The following MBD5 variants were observed in gnomAD, a reference collection of about 807,000 sequenced individuals.
MBD5 encodes the protein methyl-CpG-binding domain protein 5.
A neutral mutation model predicts 117.3 loss-of-function variants in MBD5; 13 were observed. The ratio of observed to expected loss-of-function variants is 0.11; its 90% confidence interval spans 0.07 to 0.18. The LOEUF is 0.18. Ranked by LOEUF, MBD5 falls within the 10% of genes least tolerant of loss-of-function variation. The probability of loss-of-function intolerance (pLI) is 1.00; values close to 1 mark genes in which losing one functional copy is unlikely to be tolerated. For missense variants in MBD5, 1,879 were observed against 2,093.8 expected (o/e 0.90, Z 2.00); for synonymous variants, 727 against 766.4 (o/e 0.95, Z 0.85).
intron 4 of MBD5, among the ~76,000 whole-genome samples, chr2:148,435,762 A>G (rs896559936): frequency 6.6e-6 from 1 of 152,124 alleles, no homozygotes; most frequent in Non-Finnish European, 1.5e-5. Context: ...GGGTCTCTGC[A>G]TTTATTGAAT....
chr2:148,321,905 C>A (rs1294877066), intron 3 of MBD5, among the ~76,000 whole-genome samples: 1 of 152,108 alleles, frequency 6.6e-6, no homozygotes, highest in Admixed American at 6.6e-5. Flanking sequence ...TTTTAAAATG[C>A]CATACTCTCT....
Position 148,468,947 on chromosome 2 carries a change from G to A in MBD5, c.1004G>A (p.Gly335Asp). ...RAMFHHKPPQGPPPPPPPSCA... is the reference protein window; with the variant it reads ...RAMFHHKPPQDPPPPPPPSCA... ...ATGTTCCACCACAAACCACCCCAAGGCCCACCTCCCCCTCCTCCACCTTCT... is the reference window on the plus strand; with the variant it reads ...ATGTTCCACCACAAACCACCCCAAGACCCACCTCCCCCTCCTCCACCTTCT... Residue 335 changes from glycine (G) to aspartate (D), a missense_variant, in exon 8 of 14, where the codon GGC becomes GAC. Physicochemically the swap from Gly to Asp is moderately conservative, Grantham distance 94. This residue lies in a region of MBD5 where 1,666 missense variants were observed against 1,792.2 expected (regional missense o/e 0.93). Coordinates refer to ENST00000642680, the MANE Select transcript of MBD5 (RefSeq NM_001378120.1). 1.9e-6 allele frequency: 3 copies of A among 1,613,406 alleles called. No individual in the cohort carries two copies. The highest frequency in any genetic ancestry group is 2.5e-6 in the Non-Finnish European group (3 of 1,179,810).
chr2:148,513,035 AT>A lies in MBD5; in HGVS notation c.*97del. ...TTGATATAGCCACAGTTATATCAAT[AT>A]TTAGACTATGGCAGATAGCTACCAC... is the stretch of plus-strand genomic sequence containing the variant. On this transcript the variant is annotated 3_prime_UTR_variant, in exon 14 of 14. Coordinates refer to ENST00000642680, the MANE Select transcript of MBD5 (RefSeq NM_001378120.1). 1 of 1,226,400 alleles carries A rather than the reference AT, an allele frequency of 8.2e-7. No individual in the cohort carries two copies. Among genetic ancestry groups the A allele is most frequent in the Non-Finnish European group, 1.2e-6 (1 of 835,122 alleles). The allele number at this position is 1,226,400 out of a possible 1,614,324, so 76.0% of individuals were successfully genotyped here. A position where few individuals can be genotyped will look rare whatever the true frequency, so the allele number is the denominator to read the frequency against.
At chr2:148,354,524 A>C (rs1553504558) in intron 4 of MBD5, among the ~76,000 whole-genome samples, 2 of 152,208 alleles carry the variant, frequency 1.3e-5, no homozygotes, top group Non-Finnish European at 2.9e-5. Flanking sequence ...ACTGATGGAC[A>C]TTTGGGTTGG....
chr2:148,128,964 A>G (rs550909951), intron 1 of MBD5, among the ~76,000 whole-genome samples: 1 of 152,340 alleles, frequency 6.6e-6, no homozygotes, highest in South Asian at 2.1e-4. Context: ...CTTTGCAAAG[A>G]TCTAGTGCAA....
intron 2 of MBD5, among the ~76,000 whole-genome samples, chr2:148,217,724 C>A (rs1158511038): frequency 6.6e-6 from 1 of 152,128 alleles, no homozygotes; most frequent in Non-Finnish European, 1.5e-5. Flanking sequence ...GCATGCCATC[C>A]CATCATCTTT....
At chr2:148,302,677 CA>C (rs1229147669) in intron 3 of MBD5, among the ~76,000 whole-genome samples, 3 of 152,002 alleles carry the variant, frequency 2.0e-5, no homozygotes, top group African/African-American at 7.2e-5. Flanking sequence ...CTCTGTCACC[CA>C]AACTAGTGTG....
Position 148,485,909 on chromosome 2 carries a change from G to A in MBD5, c.3712G>A (p.Ala1238Thr). The A allele has an allele frequency of 6.2e-7, 1 of 1,614,078 alleles. No homozygotes were observed. The highest frequency in any genetic ancestry group is 8.5e-7 in the Non-Finnish European group (1 of 1,179,962). ...AGGACAGTCCACAATTCCTTGCCCA[G>A]CTAACAATAACCCCATGGCTTGTCT... The part of the protein sequence containing the change: ...FQGQSTIPCP[A>T]NNNPMACLFQ... The change falls in exon 10 of 14, where the codon GCT becomes ACT. Residue 1238 changes from alanine (A) to threonine (T), a missense_variant. By Grantham distance (58) the Ala-to-Thr change is moderately conservative (BLOSUM62 0). This residue lies in a region of MBD5 where 1,666 missense variants were observed against 1,792.2 expected (regional missense o/e 0.93). Coordinates refer to ENST00000642680, the MANE Select transcript of MBD5 (RefSeq NM_001378120.1).
chr2:148,450,027 T>C (rs1706680920), intron 4 of MBD5, among the ~76,000 whole-genome samples: 1 of 152,098 alleles, frequency 6.6e-6, no homozygotes, highest in African/African-American at 2.4e-5. Flanking sequence ...TAAATTAAGA[T>C]TATAATTATA....
intron 6 of MBD5, among the ~76,000 whole-genome samples, chr2:148,463,427 C>T (rs1250198486): frequency 6.6e-6 from 1 of 152,034 alleles, no homozygotes; most frequent in East Asian, 1.9e-4. Flanking sequence ...AAGTGTACTT[C>T]ATCTGTTTTT....
At chr2:148,022,011 A>T (rs967445958) in intron 1 of MBD5, among the ~76,000 whole-genome samples, 2 of 152,208 alleles carry the variant, frequency 1.3e-5, no homozygotes, top group South Asian at 2.1e-4. Flanking sequence ...GGAAAGAGAC[A>T]GAAAGAGGCA....
intron 4 of MBD5, among the ~76,000 whole-genome samples, chr2:148,413,485 T>A (rs1164952782): frequency 6.6e-6 from 1 of 150,428 alleles, no homozygotes; most frequent in Non-Finnish European, 1.5e-5. Context: ...TAGAGTGAAT[T>A]AGGGAAGAGT....
intron 1 of MBD5, among the ~76,000 whole-genome samples, chr2:148,061,972 C>A (rs554355031): frequency 4.0e-5 from 6 of 150,604 alleles, no homozygotes; most frequent in African/African-American, 9.7e-5. Flanking sequence ...TATTCATGTA[C>A]CTTTTCTTTA....
At chr2:148,167,606 C>G (rs1232662462) in intron 1 of MBD5, among the ~76,000 whole-genome samples, 1 of 152,028 alleles carries the variant, frequency 6.6e-6, no homozygotes, top group African/African-American at 2.4e-5. Flanking sequence ...ATGGTAGTGT[C>G]TTGTATGTCC....
At chr2:148,159,810 A>G (rs2105736572) in intron 1 of MBD5, among the ~76,000 whole-genome samples, 1 of 152,268 alleles carries the variant, frequency 6.6e-6, no homozygotes, top group Middle Eastern at 3.4e-3. Context: ...AGTAAATATG[A>G]GCATTATCTC....
intron 1 of MBD5, among the ~76,000 whole-genome samples, chr2:148,072,279 A>G (rs1695378288): frequency 6.6e-6 from 1 of 152,198 alleles, no homozygotes; most frequent in Non-Finnish European, 1.5e-5. Flanking sequence ...AGTAAAAATG[A>G]ATCATCATTT....
intron 4 of MBD5, among the ~76,000 whole-genome samples, chr2:148,391,388 G>A (rs1298081476): frequency 6.6e-6 from 1 of 152,068 alleles, no homozygotes; most frequent in Non-Finnish European, 1.5e-5. Flanking sequence ...ACATTTTATT[G>A]CTTCACTCGG....
intron 1 of MBD5, among the ~76,000 whole-genome samples, chr2:148,089,379 A>G (rs1425579878): frequency 6.6e-6 from 1 of 152,126 alleles, no homozygotes; most frequent in Non-Finnish European, 1.5e-5. Flanking sequence ...TATACCTAAC[A>G]ACTGCAAAAT....
Position 148,468,618 on chromosome 2 carries a change from G to A in MBD5, c.675G>A (p.Ala225=), listed in dbSNP as rs775582219. 2.9e-5 allele frequency: 47 copies of A among 1,613,748 alleles called. No homozygotes were observed. Among genetic ancestry groups the A allele is most frequent in the East Asian group, 8.9e-5 (4 of 44,870 alleles). The change falls in exon 8 of 14, where the codon GCG becomes GCA. Residue 225 remains alanine, a synonymous_variant. Coordinates refer to ENST00000642680, the MANE Select transcript of MBD5 (RefSeq NM_001378120.1). ...RGSHGGLPSP[A]SSGSQIYGDG... ...GCCATGGAGGCCTGCCCAGCCCAGC[G>A]TCATCAGGTTCCCAGATATATGGAG...
Sources: allele counts gnomAD v4.1 joint callset (sites outside exome capture counted in the v4.1 genomes callset), GRCh38; gene constraint gnomAD v4.1.1; regional missense constraint gnomAD v4.1.1; transcripts MANE v1.5; gene names NCBI Gene and HGNC (gene_info 2026-07-23, HGNC 2026-07-21).